CAST: variants seen among roughly 807,000 people sequenced by gnomAD.
CAST encodes MIR583 host.
Under a neutral mutation model 119.6 loss-of-function variants are expected in CAST, and 76 were observed. The ratio of observed to expected loss-of-function variants is 0.64; its 90% CI spans 0.53 to 0.77. CAST has a LOEUF of 0.77. Among genes scored for constraint, CAST ranks in the 30% least tolerant of loss-of-function variants. The pLI is 0.00. For synonymous variants in CAST, 319 were observed against 331.6 expected (o/e 0.96, Z 0.41); for missense variants, 953 against 946.5 (o/e 1.01, Z -0.09).
At chr5:96,701,920 AT>A (rs1394861691) in intron 3 of CAST, among the ~76,000 whole-genome samples, 3 of 152,314 alleles carry the variant, frequency 2.0e-5, no homozygotes, top group Admixed American at 2.0e-4. Context: ...GACAAAAAAA[AT>A]AAGGTAGCTG....
chr5:96,437,049 A>G, the CAST span, among the ~76,000 whole-genome samples: 1 of 152,252 alleles, frequency 6.6e-6, no homozygotes, highest in Non-Finnish European at 1.5e-5. Context: ...CTCAGCAACA[A>G]GCTACTCACC....
the CAST span, among the ~76,000 whole-genome samples, chr5:96,244,062 T>C: frequency 6.6e-6 from 1 of 152,122 alleles, no homozygotes; most frequent in African/African-American, 2.4e-5. Context: ...GTGGCTAGAG[T>C]TGGAATATTC....
chr5:96,766,545 G>T (rs112257770), intron 27 of CAST, among the ~76,000 whole-genome samples: 16 of 152,164 alleles, frequency 1.1e-4, no homozygotes, highest in African/African-American at 3.6e-4. Context: ...TAATAAGGCA[G>T]CTCCAAGACC....
chr5:96,623,703 T>A (rs974135278), intron 1 of CAST, among the ~76,000 whole-genome samples: 2 of 152,186 alleles, frequency 1.3e-5, no homozygotes, highest in Non-Finnish European at 2.9e-5. Flanking sequence ...AGGATTATAA[T>A]AATTTTGTTA....
At chr5:96,757,683 T>TTCA in intron 24 of CAST, 29 bp downstream of exon 24, 7 of 1,475,340 alleles carry the variant, frequency 4.7e-6, no homozygotes, top group Non-Finnish European at 5.6e-6. Context: ...GTTTTATTTC[T>TTCA]TTAGTTTTTT....
upstream of CAST, among the ~76,000 whole-genome samples, chr5:96,527,147 G>T (rs985819329): frequency 1.3e-5 from 2 of 152,184 alleles, no homozygotes; most frequent in African/African-American, 2.4e-5. Flanking sequence ...TCTCAGGGTA[G>T]GTGGAGGGAT....
chr5:96,655,607 T>C (rs1748147503), intron 1 of CAST, among the ~76,000 whole-genome samples: 1 of 152,198 alleles, frequency 6.6e-6, no homozygotes, highest in African/African-American at 2.4e-5. Context: ...CAAATAAGGA[T>C]CTACTGCAGA....
At chr5:96,657,703 G>C (rs1748183788), upstream of CAST, among the ~76,000 whole-genome samples, 1 of 152,188 alleles carries the variant, frequency 6.6e-6, no homozygotes. Flanking sequence ...AATTCCATAA[G>C]ATGGTGTTTG....
At chr5:96,263,048 A>C in the CAST span, among the ~76,000 whole-genome samples, 1 of 152,194 alleles carries the variant, frequency 6.6e-6, no homozygotes, top group Non-Finnish European at 1.5e-5. Context: ...AGTAGTTCTT[A>C]GCCCTGACTG....
the CAST span, among the ~76,000 whole-genome samples, chr5:96,515,054 G>A: frequency 1.3e-5 from 2 of 152,136 alleles, no homozygotes; most frequent in African/African-American, 2.4e-5. Flanking sequence ...CACGGCCAGT[G>A]CTATTTCTTA....
chr5:96,558,640 C>T (rs1439358105), intron 1 of CAST, among the ~76,000 whole-genome samples: 1 of 152,164 alleles, frequency 6.6e-6, no homozygotes, highest in East Asian at 1.9e-4. Flanking sequence ...CACATACACC[C>T]TCCCAAGACT....
chr5:96,529,701 G>A, upstream of CAST: 1 of 322,090 alleles, frequency 3.1e-6, no homozygotes, highest in South Asian at 2.5e-5. Context: ...CTGAATCGTG[G>A]GGGCAGTTTC....
At chr5:96,016,943 T>TGC in the CAST span, among the ~76,000 whole-genome samples, 2 of 150,348 alleles carry the variant, frequency 1.3e-5, no homozygotes, top group Non-Finnish European at 3.0e-5. Context: ...TTCACACCAT[T>TGC]CTCCTGCCTC....
the CAST span, chr5:96,411,050 A>G: frequency 1.9e-5 from 22 of 1,139,410 alleles, no homozygotes; most frequent in East Asian, 3.5e-4. Flanking sequence ...TTATATCCCA[A>G]TAAAATCCCC....
intron 3 of CAST, among the ~76,000 whole-genome samples, chr5:96,705,893 C>T (rs558572208): frequency 3.9e-5 from 6 of 152,244 alleles, no homozygotes; most frequent in African/African-American, 1.2e-4. Flanking sequence ...ACATATTTAA[C>T]AGCTTGCCAT....
At chr5:96,702,867 A>G in intron 3 of CAST, 1 of 985,436 alleles carries the variant, frequency 1.0e-6, no homozygotes, top group Non-Finnish European at 1.2e-6. Flanking sequence ...AGGAATGCAG[A>G]CCTCCTGAAA....
At chr5:96,657,615 T>C (rs1748183074), upstream of CAST, among the ~76,000 whole-genome samples, 1 of 152,208 alleles carries the variant, frequency 6.6e-6, no homozygotes, top group African/African-American at 2.4e-5. Flanking sequence ...AAAAAATTAA[T>C]CTAGCTTTGG....
intron 1 of CAST, among the ~76,000 whole-genome samples, chr5:96,650,728 T>TTG (rs34230121): frequency 0.046 from 6,537 of 142,088 alleles, 205 homozygotes; most frequent in African/African-American, 0.097. Flanking sequence ...ACCCACTTAA[T>TTG]TGTGTGTGTG....
intron 24 of CAST, chr5:96,761,515 C>T (rs957775658): frequency 1.3e-5 from 2 of 152,102 alleles, no homozygotes; most frequent in Admixed American, 6.6e-5. Flanking sequence ...TGCTTTTCTC[C>T]ATCTTTTGGT....
Sources: gnomAD v4.1 joint callset for allele counts (sites outside exome capture counted in the v4.1 genomes callset) on GRCh38, gnomAD v4.1.1 for gene constraint, MANE v1.5 for transcripts, NCBI Gene and HGNC (gene_info 2026-07-23, HGNC 2026-07-21) for gene names.